THSD4: variants seen among roughly 807,000 people sequenced by gnomAD.
THSD4 encodes the protein thrombospondin type 1 domain containing 4, also known as thrombospondin type-1 domain-containing protein 4.
THSD4 carries 69 observed loss-of-function variants against 119.0 expected under a neutral mutation model. The observed-to-expected ratio is 0.58, with a 90% CI of 0.48 to 0.71. THSD4 has a LOEUF of 0.71. Among genes scored for constraint, THSD4 ranks in the 30% least tolerant of loss-of-function variants. The pLI is 0.00. For missense variants in THSD4, 1,393 were observed against 1,391.1 expected (o/e 1.00, Z -0.02); for synonymous variants, 524 against 540.4 (o/e 0.97, Z 0.42).
At chr15:71,137,932 T>C (rs889462174) in intron 1 of THSD4, among the ~76,000 whole-genome samples, 5 of 152,236 alleles carry the variant, frequency 3.3e-5, no homozygotes, top group Admixed American at 6.5e-5. Flanking sequence ...TCAAAGGTTT[T>C]GATAATTTCA....
chr15:71,224,955 G>A (rs977319706), intron 4 of THSD4, among the ~76,000 whole-genome samples: 5 of 152,254 alleles, frequency 3.3e-5, no homozygotes, highest in Non-Finnish European at 5.9e-5. Flanking sequence ...GGTTCTGGGG[G>A]TTAGGATGTG....
intron 6 of THSD4, among the ~76,000 whole-genome samples, chr15:71,404,405 T>C (rs772659681): frequency 4.6e-5 from 7 of 152,266 alleles, no homozygotes; most frequent in African/African-American, 7.2e-5. Flanking sequence ...ATCAATGTTA[T>C]AGCATATATC....
chr15:71,584,149 A>G (rs1027309353), intron 7 of THSD4, among the ~76,000 whole-genome samples: 2 of 151,816 alleles, frequency 1.3e-5, no homozygotes, highest in Admixed American at 6.6e-5. Flanking sequence ...CTTTATCATC[A>G]TATAATGATT....
intron 7 of THSD4, among the ~76,000 whole-genome samples, chr15:71,563,256 G>A (rs971569058): frequency 6.6e-6 from 1 of 152,158 alleles, no homozygotes; most frequent in African/African-American, 2.4e-5. Context: ...CCCATCAGAG[G>A]CAAGAGGCAT....
At chr15:71,409,150 T>G in intron 6 of THSD4, among the ~76,000 whole-genome samples, 1 of 67,054 alleles carries the variant, frequency 1.5e-5, no homozygotes, top group African/African-American at 4.6e-5. Context: ...TTTAGCTTTT[T>G]TTTTTCCCCC....
chr15:71,657,610 T>C (rs766883885), intron 7 of THSD4, among the ~76,000 whole-genome samples: 55 of 152,330 alleles, frequency 3.6e-4, no homozygotes, highest in Non-Finnish European at 6.8e-4. Flanking sequence ...ACTAGAACAC[T>C]GAAGAGTGCT....
At chr15:71,752,140 G>A (rs909154598) in intron 14 of THSD4, among the ~76,000 whole-genome samples, 1 of 152,134 alleles carries the variant, frequency 6.6e-6, no homozygotes, top group African/African-American at 2.4e-5. Context: ...GAAAAGGCAG[G>A]GGGCACAGAG....
intron 7 of THSD4, among the ~76,000 whole-genome samples, chr15:71,425,896 AG>A (rs1332954462): frequency 2.0e-5 from 3 of 152,122 alleles, no homozygotes; most frequent in Non-Finnish European, 4.4e-5. Context: ...AAGGCCTTGA[AG>A]GTCAGGGAGA....
At chr15:71,415,853 G>A (rs2046753306) in intron 7 of THSD4, among the ~76,000 whole-genome samples, 1 of 152,126 alleles carries the variant, frequency 6.6e-6, no homozygotes, top group African/African-American at 2.4e-5. Context: ...TTGAAGTGCA[G>A]TGCTGCAATC....
At position 71,154,144 on chromosome 15, in the gene THSD4, G is replaced by A. The variant is rs768605497; in HGVS notation, c.30-719G>A. Among the ~76,000 whole-genome samples the A allele has an allele frequency of 3.9e-5, 6 of 152,290 alleles. No individual in the cohort carries two copies. In the East Asian group the frequency reaches 9.7e-4, roughly 25 times the overall value. On this transcript the variant is annotated intron_variant, in intron 2 of 17. Transcript: ENST00000261862. The stretch of plus-strand genomic sequence containing the variant: ...ATGTTTGAGGCATGGAAATGCTAAC[G>A]TGGAAATGTGACCCAGGATCACCCA...
At chr15:71,140,559 C>G (rs760346804) in intron 1 of THSD4, among the ~76,000 whole-genome samples, 1 of 152,126 alleles carries the variant, frequency 6.6e-6, no homozygotes, top group Non-Finnish European at 1.5e-5. Flanking sequence ...GACAAGTATC[C>G]AAACTCTCAG....
At chr15:71,765,621 T>C (rs2053702175) in intron 16 of THSD4, among the ~76,000 whole-genome samples, 1 of 152,198 alleles carries the variant, frequency 6.6e-6, no homozygotes, top group Admixed American at 6.5e-5. Flanking sequence ...CTACATCTGA[T>C]GCCAGGCGTG....
At chr15:71,703,138 C>T (rs1595876556) in intron 8 of THSD4, among the ~76,000 whole-genome samples, 2 of 152,230 alleles carry the variant, frequency 1.3e-5, no homozygotes, top group Admixed American at 1.3e-4. Flanking sequence ...CCATGCCCAG[C>T]TAATTTTTCT....
At chr15:71,147,209 A>G (rs1322359669) in intron 2 of THSD4, among the ~76,000 whole-genome samples, 1 of 152,000 alleles carries the variant, frequency 6.6e-6, no homozygotes, top group Non-Finnish European at 1.5e-5. Context: ...TTGTTTTTGA[A>G]TTTTTATTTT....
intron 8 of THSD4, among the ~76,000 whole-genome samples, chr15:71,724,068 T>TTA: frequency 8.1e-6 from 1 of 123,570 alleles, no homozygotes; most frequent in African/African-American, 3.0e-5. Flanking sequence ...TGTCTTTATT[T>TTA]AAAAAAAAAA....
At chr15:71,661,461 T>A (rs954135794) in intron 8 of THSD4, among the ~76,000 whole-genome samples, 19 of 152,034 alleles carry the variant, frequency 1.2e-4, no homozygotes, top group African/African-American at 4.6e-4. Context: ...AGTGGTGCGA[T>A]TTTTGCTCAC....
chr15:71,625,230 ACTC>A (rs1356243641), intron 7 of THSD4, among the ~76,000 whole-genome samples: 1 of 151,728 alleles, frequency 6.6e-6, no homozygotes, highest in Non-Finnish European at 1.5e-5. Flanking sequence ...CTAGTCTTGA[ACTC>A]CTGACCTCAG....
At chr15:71,364,576 C>T (rs2045932115) in intron 6 of THSD4, among the ~76,000 whole-genome samples, 1 of 152,216 alleles carries the variant, frequency 6.6e-6, no homozygotes, top group Non-Finnish European at 1.5e-5. Context: ...CTAATTTCCC[C>T]TTAGGGGTTC....
intron 7 of THSD4, among the ~76,000 whole-genome samples, chr15:71,645,500 G>C (rs1274669483): frequency 6.6e-6 from 1 of 152,114 alleles, no homozygotes; most frequent in Non-Finnish European, 1.5e-5. Flanking sequence ...CATGAGATTT[G>C]GGTGGGGACA....
Sources: allele counts gnomAD v4.1 joint callset (sites outside exome capture counted in the v4.1 genomes callset), GRCh38; gene constraint gnomAD v4.1.1; transcripts MANE v1.5; gene names NCBI Gene and HGNC (gene_info 2026-07-23, HGNC 2026-07-21).